The following CORIN variants were observed in gnomAD, a reference collection of about 807,000 sequenced individuals.
The protein encoded by CORIN is corin, serine peptidase.
CORIN carries 117 observed loss-of-function variants against 125.3 expected under a neutral mutation model. That is an observed-to-expected ratio of 0.93 (90% confidence interval 0.80 to 1.09). The LOEUF is 1.09. CORIN is among the 50% of genes least tolerant of loss of function. The pLI, the probability that CORIN is intolerant of heterozygous loss-of-function variation, is 0.00. For synonymous variants in CORIN, 450 were observed against 466.4 expected (o/e 0.96, Z 0.45); for missense variants, 1,253 against 1,306.7 (o/e 0.96, Z 0.63).
intron 15 of CORIN, 148 bp downstream of exon 15, chr4:47,642,998 C>G (rs1358448919): frequency 6.5e-7 from 1 of 1,538,746 alleles, no homozygotes; most frequent in African/African-American, 1.4e-5. Flanking sequence ...AAATAACACA[C>G]ATAGATCAGC....
chr4:47,807,239 G>A (rs534663979), intron 1 of CORIN, among the ~76,000 whole-genome samples, 192 bp from the exon 2 acceptor site: 3 of 152,286 alleles, frequency 2.0e-5, no homozygotes, highest in Admixed American at 6.5e-5. Context: ...TACATTCAGG[G>A]AAGAGCAAAC....
chr4:47,755,897 C>T (rs1463337285), intron 4 of CORIN, among the ~76,000 whole-genome samples: 1 of 152,198 alleles, frequency 6.6e-6, no homozygotes, highest in African/African-American at 2.4e-5. Context: ...TTAACCTAGA[C>T]ATTTAGGAGG....
In CORIN at chr4:47,600,212, A is replaced by T. The variant is rs1017541341; in HGVS notation, c.2946+2T>A. Reference sequence around the variant, plus strand: ...CTCCTTGGTAACCAGAAAGCAACTTACCATGCATGAATCAACTGTGCCAGA... The same window carrying T: ...CTCCTTGGTAACCAGAAAGCAACTTTCCATGCATGAATCAACTGTGCCAGA... On this transcript the variant is annotated splice_donor_variant, in intron 21 of 21. Transcript: ENST00000273857. LOFTEE classifies it high-confidence loss of function. 3.1e-6 allele frequency: 5 copies of T among 1,606,450 alleles called. No individual in the cohort carries two copies. In the South Asian group the frequency reaches 4.5e-5, roughly 14 times the overall value.
intron 13 of CORIN, among the ~76,000 whole-genome samples, chr4:47,649,070 C>T (rs1430685172): frequency 1.3e-5 from 2 of 152,212 alleles, no homozygotes; most frequent in East Asian, 3.9e-4. Context: ...GCCATACCAG[C>T]ACAGGCCATC....
intron 19 of CORIN, among the ~76,000 whole-genome samples, chr4:47,616,243 G>T (rs1722062609): frequency 6.6e-6 from 1 of 151,922 alleles, no homozygotes; most frequent in African/African-American, 2.4e-5. Context: ...TCATATATTT[G>T]ATATTCAAGT....
At position 47,623,664 on chromosome 4, in the gene CORIN, T is replaced by C. The variant is rs752320935; in HGVS notation, c.2447A>G (p.Gln816Arg). 6.2e-7 allele frequency: 1 copy of C among 1,614,228 alleles called. No individual in the cohort carries two copies. The highest frequency in any genetic ancestry group is 8.5e-7 in the Non-Finnish European group (1 of 1,180,026). The change falls in exon 19 of 22, where the codon CAG becomes CGG. Residue 816 changes from glutamine to arginine, a missense_variant. Transcript: ENST00000273857. Reference protein sequence around the residue: ...RTSRPGRWPWQCSLQSEPSGH... With the variant: ...RTSRPGRWPWRCSLQSEPSGH... ...ACTGGGTTCACTCTGCAGAGAACACTGCCATGGCCACCTTCCAGGGCGACT... is the reference window on the plus strand; with the variant it reads ...ACTGGGTTCACTCTGCAGAGAACACCGCCATGGCCACCTTCCAGGGCGACT...
intron 17 of CORIN, 106 bp downstream of exon 17, chr4:47,626,299 T>C (rs1233296412): frequency 1.4e-6 from 1 of 728,106 alleles, no homozygotes; most frequent in Admixed American, 1.9e-5. Context: ...TCTTTACTGA[T>C]ATGACAAATT....
At chr4:47,606,181 A>T (rs1158555170) in intron 19 of CORIN, among the ~76,000 whole-genome samples, 1 of 152,208 alleles carries the variant, frequency 6.6e-6, no homozygotes, top group Non-Finnish European at 1.5e-5. Context: ...TAGACAATTA[A>T]ATAAACAATT....
At chr4:47,679,976 A>G in intron 8 of CORIN, 165 bp downstream of exon 8, 1 of 519,652 alleles carries the variant, frequency 1.9e-6, no homozygotes, top group Non-Finnish European at 3.4e-6. Context: ...TGCTATTGTC[A>G]TCCCATGACT....
intron 1 of CORIN, among the ~76,000 whole-genome samples, chr4:47,828,149 A>G (rs1005738714): frequency 6.6e-6 from 1 of 152,198 alleles, no homozygotes; most frequent in Non-Finnish European, 1.5e-5. Flanking sequence ...TGGCATAATC[A>G]GAAGTATGTG....
intron 5 of CORIN, among the ~76,000 whole-genome samples, chr4:47,693,293 T>C (rs1041401280): frequency 6.6e-6 from 1 of 152,190 alleles, no homozygotes; most frequent in Admixed American, 6.5e-5. Context: ...TGATTGCTTG[T>C]CTGAGGAAAG....
intron 16 of CORIN, among the ~76,000 whole-genome samples, chr4:47,635,777 A>C (rs1722999948): frequency 6.6e-6 from 1 of 152,210 alleles, no homozygotes. Context: ...AGATTGCAGT[A>C]GGTTTTGAAG....
At chr4:47,741,614 A>G (rs544854543) in intron 5 of CORIN, among the ~76,000 whole-genome samples, 2 of 152,098 alleles carry the variant, frequency 1.3e-5, no homozygotes, top group Non-Finnish European at 2.9e-5. Context: ...AATATTATAC[A>G]GACAGCATTA....
At chr4:47,780,632 T>C (rs1730497674) in intron 3 of CORIN, among the ~76,000 whole-genome samples, 1 of 152,140 alleles carries the variant, frequency 6.6e-6, no homozygotes, top group African/African-American at 2.4e-5. Flanking sequence ...TCTGGAAAGA[T>C]GGTGGGATAG....
At chr4:47,834,140 G>A (rs1454005201) in intron 1 of CORIN, among the ~76,000 whole-genome samples, 1 of 152,138 alleles carries the variant, frequency 6.6e-6, no homozygotes. Flanking sequence ...ATTCCCATGT[G>A]CATTGCAGCA....
intron 5 of CORIN, among the ~76,000 whole-genome samples, chr4:47,723,845 A>G (rs1162211612): frequency 2.6e-5 from 4 of 151,824 alleles, no homozygotes; most frequent in African/African-American, 4.8e-5. Flanking sequence ...AAATACAAAA[A>G]ATTAGCCAGG....
rs528620148 is a variant in CORIN at position 47,778,779 on chromosome 4, G to C, written c.409+7946C>G. Among the ~76,000 whole-genome samples the C allele has an allele frequency of 9.9e-5, 15 of 152,250 alleles. 1 individual carries two copies. The highest frequency in any genetic ancestry group is 3.4e-4 in the African/African-American group (14 of 41,554). On this transcript the variant is annotated intron_variant, in intron 3 of 21. Coordinates refer to ENST00000273857, the MANE Select transcript of CORIN (RefSeq NM_006587.4). ...GAAACCAACTGGACCTGAACAATGG[G>C]GGTCTAACACTAGTGTCCACCAGAG...
chr4:47,773,574 A>C (rs1289649950), intron 3 of CORIN, among the ~76,000 whole-genome samples: 2 of 152,186 alleles, frequency 1.3e-5, no homozygotes, highest in African/African-American at 2.4e-5. Flanking sequence ...ATCATAAGTC[A>C]GAATCAAGTT....
At chr4:47,617,334 T>C (rs999626290) in intron 19 of CORIN, among the ~76,000 whole-genome samples, 28 of 152,186 alleles carry the variant, frequency 1.8e-4, no homozygotes, top group Non-Finnish European at 4.4e-5. Context: ...GCAACATACA[T>C]GACTAGGGAG....
Sources: gnomAD v4.1 joint callset for allele counts (sites outside exome capture counted in the v4.1 genomes callset) on GRCh38, gnomAD v4.1.1 for gene constraint, MANE v1.5 for transcripts, NCBI Gene and HGNC (gene_info 2026-07-23, HGNC 2026-07-21) for gene names.